Variants in ROBO2 observed in about 807,000 individuals in gnomAD.
ROBO2 encodes roundabout homolog 2.
In ROBO2, 53 loss-of-function variants were observed where a neutral mutation model predicts 160.8. The ratio of observed to expected loss-of-function variants is 0.33; its 90% CI spans 0.26 to 0.41. The LOEUF (loss-of-function observed/expected upper bound fraction) is 0.41, where lower values mean the gene tolerates loss of function less well. ROBO2 is among the 10% of genes least tolerant of loss of function. The pLI, the probability that ROBO2 is intolerant of heterozygous loss-of-function variation, is 1.00. For missense variants in ROBO2, 1,577 were observed against 1,722.4 expected, an observed-to-expected ratio of 0.92 and a Z score of 1.49; for synonymous variants, 664 against 611.7, an observed-to-expected ratio of 1.09 and a Z score of -1.26.
chr3:76,142,152 A>G (rs2071694769), intron 2 of ROBO2, among the ~76,000 whole-genome samples: 1 of 152,040 alleles, frequency 6.6e-6, no homozygotes, highest in Non-Finnish European at 1.5e-5. Context: ...GTCAAGTGGC[A>G]TGTGATAGCA....
chr3:77,549,653 C>T (rs1445579194), intron 7 of ROBO2, among the ~76,000 whole-genome samples: 1 of 151,894 alleles, frequency 6.6e-6, no homozygotes, highest in African/African-American at 2.4e-5. Flanking sequence ...AAGAGAAGAG[C>T]TTCTAATTAA....
At position 76,756,797 on chromosome 3, in the gene ROBO2, G is replaced by A. The variant is rs73844036; in HGVS notation, c.110-341217G>A. Among the ~76,000 whole-genome samples, 235 of 151,940 alleles carry A rather than the reference G, an allele frequency of 1.5e-3. 2 individuals carry two copies. Among genetic ancestry groups the A allele is most frequent in the African/African-American group, 5.3e-3 (218 of 41,508 alleles). ...AGCAAATCTGTCTACAGGAAGACAC[G>A]CCCTGCCTTCCCAAGCCACAGGGCT... On this transcript the variant is annotated intron_variant, in intron 2 of 26. Coordinates refer to the ROBO2 transcript ENST00000487694.
intron 2 of ROBO2, among the ~76,000 whole-genome samples, chr3:76,716,266 A>C (rs2093377255): frequency 2.0e-5 from 3 of 152,298 alleles, no homozygotes; most frequent in Admixed American, 6.5e-5. Flanking sequence ...AGTCTCTATC[A>C]AATGGCCTTT....
chr3:77,505,840 T>C (rs2088433184), intron 5 of ROBO2, among the ~76,000 whole-genome samples: 1 of 152,130 alleles, frequency 6.6e-6, no homozygotes. Context: ...CAAATCCAAA[T>C]CCAAAGCCCA....
At chr3:76,435,615 T>C (rs375647170) in intron 2 of ROBO2, among the ~76,000 whole-genome samples, 5 of 152,210 alleles carry the variant, frequency 3.3e-5, no homozygotes, top group African/African-American at 9.6e-5. Flanking sequence ...AGCAGGTCAG[T>C]TGATCTTCTG....
intron 2 of ROBO2, among the ~76,000 whole-genome samples, chr3:77,282,351 A>T (rs1212504754): frequency 1.3e-5 from 2 of 152,120 alleles, no homozygotes; most frequent in African/African-American, 2.4e-5. Flanking sequence ...TATAGACTGT[A>T]ATTAGGCTGT....
intron 7 of ROBO2, among the ~76,000 whole-genome samples, chr3:77,549,198 G>A (rs748855780): frequency 3.3e-5 from 5 of 151,968 alleles, no homozygotes; most frequent in Non-Finnish European, 7.4e-5. Flanking sequence ...CCATGTCAAC[G>A]AATCATTTAG....
intron 2 of ROBO2, among the ~76,000 whole-genome samples, chr3:77,319,391 T>G (rs1233243529): frequency 6.6e-6 from 1 of 152,200 alleles, no homozygotes; most frequent in African/African-American, 2.4e-5. Context: ...AATCTCCTGT[T>G]AAGTAAGATT....
chr3:77,192,087 C>A (rs1290562725), intron 2 of ROBO2, among the ~76,000 whole-genome samples: 1 of 151,942 alleles, frequency 6.6e-6, no homozygotes. Context: ...CATTATTTAG[C>A]GAAGTTGGAT....
intron 13 of ROBO2, among the ~76,000 whole-genome samples, chr3:77,573,711 TCCTGCTCTTCTTG>T (rs1210988236): frequency 6.6e-6 from 1 of 152,052 alleles, no homozygotes; most frequent in East Asian, 1.9e-4. Flanking sequence ...CCTGGGTAAA[TCCTGCTCTTCTTG>T]CCTATCTAAG....
At chr3:77,442,025 A>T (rs1001969575) in intron 2 of ROBO2, among the ~76,000 whole-genome samples, 1 of 152,086 alleles carries the variant, frequency 6.6e-6, no homozygotes. Flanking sequence ...ATAATATCAG[A>T]TTTACGGCCG....
At chr3:77,195,453 G>GA (rs138478850) in intron 2 of ROBO2, among the ~76,000 whole-genome samples, 1 of 151,458 alleles carries the variant, frequency 6.6e-6, no homozygotes, top group Non-Finnish European at 1.5e-5. Flanking sequence ...AGCAGTTCAA[G>GA]AAAAAAAATC....
rs2060332419 is a variant in ROBO2, at chr3:76,985,575, G to GGAAA, written c.110-112439_110-112438insGAAA. Among the ~76,000 whole-genome samples the GGAAA allele has an allele frequency of 4.5e-4, 12 of 26,378 alleles. No homozygotes were observed. In the South Asian group the frequency reaches 0.024, roughly 54 times the overall value. The allele number at this position is 26,378 out of a possible 152,430, so 17.3% of individuals were successfully genotyped here. On this transcript the variant is annotated intron_variant, in intron 2 of 26. Coordinates refer to the ROBO2 transcript ENST00000487694. ...TGGGCGACAAAGCGAGACTCCGTCT[G>GGAAA]AAAAAAAAAAAAAAAAAAAAAAAAA...
intron 2 of ROBO2, among the ~76,000 whole-genome samples, chr3:77,387,687 T>A (rs2074281553): frequency 6.6e-6 from 1 of 152,078 alleles, no homozygotes; most frequent in East Asian, 1.9e-4. Context: ...AATCCGCCTT[T>A]CCTTTTGTTC....
chr3:76,784,664 G>T (rs1394026834), intron 2 of ROBO2, among the ~76,000 whole-genome samples: 1 of 151,126 alleles, frequency 6.6e-6, no homozygotes, highest in Non-Finnish European at 1.5e-5. Flanking sequence ...ATAGGTTAGG[G>T]AGGTACACAA....
chr3:77,387,261 G>T (rs2074226546), intron 2 of ROBO2, among the ~76,000 whole-genome samples: 1 of 150,352 alleles, frequency 6.7e-6, no homozygotes, highest in Admixed American at 6.7e-5. Flanking sequence ...CTCACACTTT[G>T]GGAAGCTGAG....
intron 2 of ROBO2, among the ~76,000 whole-genome samples, chr3:76,365,505 C>T (rs143538545): frequency 3.3e-5 from 5 of 152,020 alleles, no homozygotes; most frequent in African/African-American, 1.2e-4. Flanking sequence ...TACTCATAGC[C>T]GGGTGAGAGC....
chr3:76,080,847 C>T (rs1190930889), intron 2 of ROBO2, among the ~76,000 whole-genome samples: 1 of 152,068 alleles, frequency 6.6e-6, no homozygotes, highest in Non-Finnish European at 1.5e-5. Context: ...ACTGCAATTA[C>T]CATATTTAAA....
intron 1 of ROBO2, among the ~76,000 whole-genome samples, chr3:77,051,172 T>C (rs2065195105): frequency 6.6e-6 from 1 of 152,196 alleles, no homozygotes; most frequent in African/African-American, 2.4e-5. Context: ...GTAAATACAT[T>C]TCATAGCTAA....
Sources: gnomAD v4.1 joint callset for allele counts (sites outside exome capture counted in the v4.1 genomes callset) on GRCh38, gnomAD v4.1.1 for gene constraint, MANE v1.5 for transcripts, NCBI Gene and HGNC (gene_info 2026-07-23, HGNC 2026-07-21) for gene names.